Variants in CAMK2D observed in about 807,000 individuals in gnomAD.
The protein encoded by CAMK2D is calcium/calmodulin-dependent protein kinase type II subunit delta.
Under a neutral mutation model 84.0 loss-of-function variants are expected in CAMK2D, and 37 were observed. That is an observed-to-expected ratio of 0.44 (90% CI 0.34 to 0.58). The LOEUF (loss-of-function observed/expected upper bound fraction) is 0.58. CAMK2D is among the 20% of genes least tolerant of loss of function. The pLI, the probability that CAMK2D is intolerant of heterozygous loss-of-function variation, is 0.02. For synonymous variants in CAMK2D, 202 were observed against 212.5 expected, an observed-to-expected ratio of 0.95 and a Z score of 0.43; for missense variants, 448 against 652.5, an observed-to-expected ratio of 0.69 and a Z score of 3.41.
intron 8 of CAMK2D, among the ~76,000 whole-genome samples, chr4:113,525,699 C>T (rs2098411654): frequency 6.6e-6 from 1 of 152,200 alleles, no homozygotes; most frequent in Non-Finnish European, 1.5e-5. Context: ...CCCTGCTTCA[C>T]TCTGCTCTGC....
At chr4:113,527,366 T>C (rs1326717853) in intron 8 of CAMK2D, among the ~76,000 whole-genome samples, 1 of 152,008 alleles carries the variant, frequency 6.6e-6, no homozygotes, top group African/African-American at 2.4e-5. Context: ...CCTCCCATAA[T>C]GCAAAGATTA....
At chr4:113,754,547 T>G (rs1472000092) in intron 2 of CAMK2D, 2 of 974,898 alleles carry the variant, frequency 2.1e-6, no homozygotes, top group African/African-American at 3.5e-5. Flanking sequence ...CTAAACAAAG[T>G]TCTCACACAA....
chr4:113,548,658 T>C, intron 5 of CAMK2D: 2 of 1,505,300 alleles, frequency 1.3e-6, no homozygotes, highest in South Asian at 1.1e-5. Context: ...TATACTGACC[T>C]TCAGGTCCCT....
At chr4:113,631,325 C>T (rs935279175) in intron 3 of CAMK2D, among the ~76,000 whole-genome samples, 17 of 151,930 alleles carry the variant, frequency 1.1e-4, no homozygotes, top group Admixed American at 3.9e-4. Flanking sequence ...CCAGCCTGGG[C>T]AACATGGCAA....
intron 2 of CAMK2D, among the ~76,000 whole-genome samples, chr4:113,680,605 C>T (rs1225767009): frequency 6.6e-6 from 1 of 152,172 alleles, no homozygotes; most frequent in Non-Finnish European, 1.5e-5. Flanking sequence ...AGATATAAAT[C>T]AGAGCAACTC....
intron 16 of CAMK2D, among the ~76,000 whole-genome samples, chr4:113,490,083 T>C (rs2097814054): frequency 6.6e-6 from 1 of 151,078 alleles, no homozygotes; most frequent in South Asian, 2.1e-4. Context: ...TTTCTCCCAT[T>C]TTGTAGGTTG....
At chr4:113,540,889 G>T (rs1225525160) in intron 6 of CAMK2D, among the ~76,000 whole-genome samples, 1 of 152,060 alleles carries the variant, frequency 6.6e-6, no homozygotes, top group African/African-American at 2.4e-5. Context: ...CCCTTTCTAG[G>T]TTGGTTTTTA....
chr4:113,641,314 A>G (rs1010841230), intron 3 of CAMK2D, among the ~76,000 whole-genome samples: 1 of 152,218 alleles, frequency 6.6e-6, no homozygotes, highest in Non-Finnish European at 1.5e-5. Context: ...CCCCAGTCAA[A>G]TTAATATATC....
intron 9 of CAMK2D, among the ~76,000 whole-genome samples, chr4:113,515,539 C>T (rs2098273173): frequency 6.6e-6 from 1 of 152,142 alleles, no homozygotes; most frequent in South Asian, 2.1e-4. Context: ...TTTATACAAT[C>T]TTTCTCATAA....
At chr4:113,669,701 T>C (rs1381233672) in intron 2 of CAMK2D, among the ~76,000 whole-genome samples, 4 of 152,196 alleles carry the variant, frequency 2.6e-5, no homozygotes, top group Non-Finnish European at 5.9e-5. Flanking sequence ...AACATGGCTA[T>C]ATCACTCACT....
intron 16 of CAMK2D, among the ~76,000 whole-genome samples, chr4:113,492,028 C>T (rs2097851262): frequency 1.3e-5 from 2 of 152,044 alleles, no homozygotes; most frequent in African/African-American, 4.8e-5. Context: ...TGATTCTTCT[C>T]TCTTTTTTTC....
intron 2 of CAMK2D, among the ~76,000 whole-genome samples, chr4:113,736,664 A>G (rs181971138): frequency 5.9e-5 from 9 of 152,340 alleles, no homozygotes; most frequent in African/African-American, 2.2e-4. Context: ...AGGGCATTTC[A>G]TATTTGAAAA....
intron 2 of CAMK2D, among the ~76,000 whole-genome samples, chr4:113,742,988 T>A (rs2099596317): frequency 6.6e-6 from 1 of 152,102 alleles, no homozygotes; most frequent in African/African-American, 2.4e-5. Flanking sequence ...TGAAATTGAA[T>A]CGTAATAAGG....
chr4:113,621,857 A>G (rs1465617756), intron 3 of CAMK2D, among the ~76,000 whole-genome samples: 2 of 152,220 alleles, frequency 1.3e-5, no homozygotes, highest in African/African-American at 4.8e-5. Flanking sequence ...TCTTCTCATT[A>G]TCCACGCCCA....
At chr4:113,588,373 T>G (rs2098843543) in intron 4 of CAMK2D, among the ~76,000 whole-genome samples, 1 of 152,184 alleles carries the variant, frequency 6.6e-6, no homozygotes, top group African/African-American at 2.4e-5. Context: ...AAAAATCATA[T>G]TTCAATTTAA....
chr4:113,622,108 A>G (rs1017345060), intron 3 of CAMK2D, among the ~76,000 whole-genome samples: 1 of 152,182 alleles, frequency 6.6e-6, no homozygotes, highest in Admixed American at 6.5e-5. Flanking sequence ...TTTCCTGGTA[A>G]ACAACCATTT....
At chr4:113,605,822 C>A (rs1354246608) in intron 4 of CAMK2D, among the ~76,000 whole-genome samples, 1 of 152,026 alleles carries the variant, frequency 6.6e-6, no homozygotes, top group Non-Finnish European at 1.5e-5. Context: ...TAAGATGGCA[C>A]CTGCTTACTC....
intron 3 of CAMK2D, among the ~76,000 whole-genome samples, chr4:113,626,138 G>A (rs2099067403): frequency 6.6e-6 from 1 of 152,184 alleles, no homozygotes; most frequent in Admixed American, 6.5e-5. Flanking sequence ...TGCTGAGAGA[G>A]TGGGATGTGA....
rs537946837 is a variant in CAMK2D, at chr4:113,527,684, T to C, written c.601+3532A>G. 2.1e-3 allele frequency among the ~76,000 whole-genome samples: 318 copies of C among 152,296 alleles called. 2 individuals are homozygous for C. The highest frequency in any genetic ancestry group is 7.4e-3 in the African/African-American group (307 of 41,554). On this transcript the variant is annotated intron_variant, in intron 8 of 20. Transcript: ENST00000511664. Reference sequence around the variant, plus strand: ...GCTTTTTGGGTTTCTTTTTAGTGGATCTGATATTCTTCAACACCAATAAAA... The same window carrying C: ...GCTTTTTGGGTTTCTTTTTAGTGGACCTGATATTCTTCAACACCAATAAAA...
Sources: gnomAD v4.1 joint callset for allele counts (sites outside exome capture counted in the v4.1 genomes callset) on GRCh38, gnomAD v4.1.1 for gene constraint, MANE v1.5 for transcripts, NCBI Gene and HGNC (gene_info 2026-07-23, HGNC 2026-07-21) for gene names.